MERTK: variants seen among roughly 807,000 people sequenced by gnomAD.
MERTK encodes MER proto-oncogene, tyrosine kinase.
MERTK carries 69 observed loss-of-function variants against 99.3 expected under a neutral mutation model. The ratio of observed to expected loss-of-function variants is 0.70; its 90% CI spans 0.57 to 0.85. The LOEUF (loss-of-function observed/expected upper bound fraction) is 0.85. MERTK is among the 40% of genes least tolerant of loss of function. The probability of loss-of-function intolerance (pLI) is 0.00; values close to 1 mark genes in which losing one functional copy is unlikely to be tolerated. For missense variants in MERTK, 1,125 were observed against 1,249.4 expected (o/e 0.90, Z 1.50); for synonymous variants, 426 against 467.6 (o/e 0.91, Z 1.15).
At chr2:111,963,545 T>A (rs1685297280) in intron 4 of MERTK, among the ~76,000 whole-genome samples, 1 of 151,710 alleles carries the variant, frequency 6.6e-6, no homozygotes, top group African/African-American at 2.4e-5. Context: ...GTACTTGAGA[T>A]TAGGGAGTGG....
chr2:111,901,147 G>C (rs975927120), intron 1 of MERTK, among the ~76,000 whole-genome samples: 2 of 152,164 alleles, frequency 1.3e-5, no homozygotes, highest in Middle Eastern at 3.2e-3. Flanking sequence ...CTCAGTCTCT[G>C]ATGGGGGTGC....
chr2:112,010,322 G>A (rs994874944), intron 15 of MERTK: 2 of 412,558 alleles, frequency 4.8e-6, no homozygotes, highest in Admixed American at 7.0e-5. Flanking sequence ...ACCAACTTGA[G>A]TTGGGTGGCC....
chr2:111,931,702 A>G (rs1036653746), intron 2 of MERTK, among the ~76,000 whole-genome samples: 84 of 152,014 alleles, frequency 5.5e-4, no homozygotes, highest in African/African-American at 1.9e-3. Flanking sequence ...AAAAAAAAAA[A>G]AAGAAGTGAA....
intron 2 of MERTK, among the ~76,000 whole-genome samples, chr2:111,936,605 C>T (rs1022748329): frequency 1.3e-5 from 2 of 152,064 alleles, no homozygotes; most frequent in Non-Finnish European, 2.9e-5. Context: ...CAGGAGTCAT[C>T]TTTGATTAAT....
intron 4 of MERTK, 35 bp from the exon 5 acceptor site, chr2:111,965,156 C>T: frequency 6.4e-7 from 1 of 1,564,748 alleles, no homozygotes; most frequent in Non-Finnish European, 8.8e-7. Flanking sequence ...GCCTGTTTCT[C>T]TGCTGCTGGT....
At chr2:111,901,299 A>C (rs758069515) in intron 1 of MERTK, among the ~76,000 whole-genome samples, 2 of 152,078 alleles carry the variant, frequency 1.3e-5, no homozygotes, top group Non-Finnish European at 2.9e-5. Flanking sequence ...GCTAAACTCA[A>C]CCCTTAGAGT....
chr2:111,964,043 C>CTTT lies in MERTK; in HGVS notation c.758-1138_758-1136dup, dbSNP rs56693776. ...GTTTCTCCACTCAAAAATTTTCTTT[C>CTTT]TTTTTTTTTTTTGCTCTTTCCATAA... On this transcript the variant is annotated intron_variant, in intron 4 of 18. Transcript: ENST00000295408. 7.1e-3 allele frequency among the ~76,000 whole-genome samples: 734 copies of CTTT among 103,876 alleles called. 34 individuals carry two copies. Among genetic ancestry groups the CTTT allele is most frequent in the African/African-American group, 0.025 (709 of 28,160 alleles). The allele number at this position is 103,876 out of a possible 152,430, so 68.1% of individuals were successfully genotyped here.
chr2:111,911,689 C>CTTTTTTTT (rs34867670), intron 1 of MERTK, among the ~76,000 whole-genome samples: 2 of 57,730 alleles, frequency 3.5e-5, no homozygotes, highest in South Asian at 7.4e-4. Flanking sequence ...AGCGCCCAGC[C>CTTTTTTTT]TTTTTTTTTT....
intron 7 of MERTK, 43 bp from the exon 8 acceptor site, chr2:111,982,799 T>C: frequency 6.2e-7 from 1 of 1,607,456 alleles, no homozygotes; most frequent in Non-Finnish European, 8.5e-7. Context: ...CATCTGTGTG[T>C]GCTTTGTGGT....
chr2:112,029,018 A>G lies in MERTK; in HGVS notation c.*154A>G. On this transcript the variant is annotated 3_prime_UTR_variant, in exon 19 of 19. Transcript: ENST00000295408. ...GAATGTTGTTAAGTAAGCTGTCATT[A>G]AAAATACATAATATATATTTATTTA... 1 of 1,489,142 alleles carries G rather than the reference A, an allele frequency of 6.7e-7. No homozygotes were observed. The highest frequency in any genetic ancestry group is 1.4e-5 in the African/African-American group (1 of 70,930). 92.2% of individuals were successfully genotyped at this position (1,489,142 alleles called of 1,614,324 possible).
intron 10 of MERTK, among the ~76,000 whole-genome samples, chr2:111,998,047 T>A (rs868495793): frequency 3.3e-5 from 5 of 152,316 alleles, no homozygotes; most frequent in Middle Eastern, 3.4e-3. Flanking sequence ...TGGAGGGGGC[T>A]GAGCCTCCCT....
intron 4 of MERTK, among the ~76,000 whole-genome samples, chr2:111,949,144 C>T (rs1685011484): frequency 6.6e-6 from 1 of 152,086 alleles, no homozygotes; most frequent in Non-Finnish European, 1.5e-5. Context: ...TCCCTGATCA[C>T]TCTTAACTGT....
At chr2:111,934,184 C>T (rs902282794) in intron 2 of MERTK, among the ~76,000 whole-genome samples, 2 of 152,076 alleles carry the variant, frequency 1.3e-5, no homozygotes, top group South Asian at 2.1e-4. Flanking sequence ...AATAAACATA[C>T]GTGTGCATAT....
chr2:112,017,427 T>C (rs138759969), intron 15 of MERTK, among the ~76,000 whole-genome samples: 2 of 152,214 alleles, frequency 1.3e-5, no homozygotes, highest in African/African-American at 4.8e-5. Context: ...TCAAGGAGTT[T>C]GAGACTGGCC....
chr2:112,012,557 G>A (rs11683409), intron 15 of MERTK, among the ~76,000 whole-genome samples: 1 of 151,944 alleles, frequency 6.6e-6, no homozygotes, highest in Admixed American at 6.5e-5. Flanking sequence ...TGTCATGAGC[G>A]TATCCATCCT....
intron 2 of MERTK, among the ~76,000 whole-genome samples, chr2:111,935,836 T>C (rs750953350): frequency 6.6e-6 from 1 of 152,186 alleles, no homozygotes; most frequent in African/African-American, 2.4e-5. Flanking sequence ...AAATTAATCT[T>C]TTATTGCATA....
chr2:111,990,453 C>T (rs1269794079), intron 8 of MERTK, among the ~76,000 whole-genome samples: 1 of 152,110 alleles, frequency 6.6e-6, no homozygotes, highest in African/African-American at 2.4e-5. Flanking sequence ...ATGATGGCAA[C>T]GGCTATGATG....
At chr2:111,981,561 T>G (rs1389585517) in intron 7 of MERTK, among the ~76,000 whole-genome samples, 1 of 152,182 alleles carries the variant, frequency 6.6e-6, no homozygotes. Context: ...TTTGTCACTA[T>G]TATGCTGCAA....
intron 8 of MERTK, among the ~76,000 whole-genome samples, chr2:111,984,542 G>T (rs1676433678): frequency 6.6e-6 from 1 of 152,134 alleles, no homozygotes; most frequent in South Asian, 2.1e-4. Flanking sequence ...TTTTGTGAGA[G>T]CGAGGTGTGA....
Sources: gnomAD v4.1 joint callset for allele counts (sites outside exome capture counted in the v4.1 genomes callset) on GRCh38, gnomAD v4.1.1 for gene constraint, MANE v1.5 for transcripts, NCBI Gene and HGNC (gene_info 2026-07-23, HGNC 2026-07-21) for gene names.